The following KCNH5 variants were observed in gnomAD, a reference collection of about 807,000 sequenced individuals.
The protein encoded by KCNH5 is voltage-gated delayed rectifier potassium channel KCNH5.
A neutral mutation model predicts 96.1 loss-of-function variants in KCNH5; 46 were observed. The observed-to-expected ratio is 0.48, with a 90% confidence interval of 0.38 to 0.61. The LOEUF is 0.61. KCNH5 is among the 20% of genes least tolerant of loss of function. KCNH5 has a pLI of 0.00. For missense variants in KCNH5, 907 were observed against 1,225.8 expected, an observed-to-expected ratio of 0.74 and a Z score of 3.88; for synonymous variants, 439 against 449.8, an observed-to-expected ratio of 0.98 and a Z score of 0.30.
intron 9 of KCNH5, among the ~76,000 whole-genome samples, chr14:62,792,444 G>A (rs1246434275): frequency 6.6e-6 from 1 of 151,444 alleles, no homozygotes; most frequent in Non-Finnish European, 1.5e-5. Flanking sequence ...TAATAAACAT[G>A]CTGATTATCC....
chr14:62,764,116 A>G (rs934982305), intron 10 of KCNH5, among the ~76,000 whole-genome samples: 2 of 152,230 alleles, frequency 1.3e-5, no homozygotes, highest in South Asian at 2.1e-4. Flanking sequence ...CAGAGATGCA[A>G]TAATCCTCAA....
chr14:62,753,028 G>C (rs972589325), intron 10 of KCNH5, among the ~76,000 whole-genome samples: 2 of 152,168 alleles, frequency 1.3e-5, no homozygotes, highest in Non-Finnish European at 2.9e-5. Context: ...CAATCCCAGA[G>C]AGACAGAGAT....
At chr14:62,902,479 C>A (rs1344221425) in intron 7 of KCNH5, among the ~76,000 whole-genome samples, 1 of 152,034 alleles carries the variant, frequency 6.6e-6, no homozygotes, top group Non-Finnish European at 1.5e-5. Context: ...AGTAGTTTTT[C>A]TTTCTTTTAT....
At chr14:62,786,473 T>G (rs1250765213) in intron 9 of KCNH5, among the ~76,000 whole-genome samples, 1 of 152,138 alleles carries the variant, frequency 6.6e-6, no homozygotes, top group African/African-American at 2.4e-5. Flanking sequence ...CTATAGTGAA[T>G]CACTATAGTG....
intron 1 of KCNH5, among the ~76,000 whole-genome samples, chr14:63,021,771 T>C (rs1891431946): frequency 1.3e-5 from 2 of 152,096 alleles, no homozygotes; most frequent in African/African-American, 2.4e-5. Context: ...TCATAACAAT[T>C]CAGAAGCGTT....
At chr14:63,023,809 T>TAATA (rs140518388) in intron 1 of KCNH5, among the ~76,000 whole-genome samples, 7,256 of 152,226 alleles carry the variant, frequency 0.048, 197 homozygotes, top group East Asian at 0.062. Flanking sequence ...AGCTACAAAT[T>TAATA]AATAATATGA....
Position 62,983,163 on chromosome 14 carries a change from A to G in KCNH5, c.550-1899T>C, listed in dbSNP as rs148039611. Among the ~76,000 whole-genome samples the G allele has an allele frequency of 1.5e-3, 230 of 152,220 alleles. 8 individuals carry two copies. The highest frequency in any genetic ancestry group is 0.014 in the Admixed American group (211 of 15,270). On this transcript the variant is annotated intron_variant, in intron 5 of 10. Coordinates refer to ENST00000322893, the MANE Select transcript of KCNH5 (RefSeq NM_139318.5). ...GTGCATTACCACCTTCGTGGACCCT[A>G]AGCCTTTGTGCCTTCCTAGACTCCT... is the stretch of plus-strand genomic sequence containing the variant.
At chr14:62,821,212 AAG>A (rs1334274411) in intron 8 of KCNH5, among the ~76,000 whole-genome samples, 1 of 152,094 alleles carries the variant, frequency 6.6e-6, no homozygotes, top group Non-Finnish European at 1.5e-5. Context: ...GGAAAAAAAA[AAG>A]CTTTTCTTAA....
At chr14:62,962,279 G>A (rs991517) in intron 6 of KCNH5, among the ~76,000 whole-genome samples, 34,736 of 152,040 alleles carry the variant, frequency 0.23, 4,344 homozygotes, top group Non-Finnish European at 0.29. Flanking sequence ...TGCCACACGC[G>A]CCTGCCTGAT....
intron 10 of KCNH5, among the ~76,000 whole-genome samples, chr14:62,720,567 A>T (rs1203923281): frequency 6.6e-6 from 1 of 152,168 alleles, no homozygotes; most frequent in East Asian, 1.9e-4. Flanking sequence ...TGGGTGACAC[A>T]GCGAGACTCT....
chr14:62,776,985 T>C (rs530318460), intron 10 of KCNH5, among the ~76,000 whole-genome samples: 66 of 152,316 alleles, frequency 4.3e-4, no homozygotes, highest in Non-Finnish European at 9.0e-4. Context: ...CTCCCTTACT[T>C]AGTAGGAACA....
At chr14:62,711,900 A>G (rs1024794609) in intron 10 of KCNH5, among the ~76,000 whole-genome samples, 1 of 152,208 alleles carries the variant, frequency 6.6e-6, no homozygotes, top group African/African-American at 2.4e-5. Flanking sequence ...ACACATAAAG[A>G]GAGCCAGCAG....
intron 6 of KCNH5, among the ~76,000 whole-genome samples, chr14:62,973,169 C>T (rs931983538): frequency 2.0e-5 from 3 of 152,066 alleles, no homozygotes; most frequent in African/African-American, 4.8e-5. Context: ...AACCTAAAAG[C>T]GGTCTTAAAA....
chr14:62,853,144 T>C (rs1887841618), intron 7 of KCNH5, among the ~76,000 whole-genome samples: 1 of 152,144 alleles, frequency 6.6e-6, no homozygotes, highest in African/African-American at 2.4e-5. Flanking sequence ...ATCTCCTATA[T>C]CTGATCCATC....
intron 10 of KCNH5, among the ~76,000 whole-genome samples, chr14:62,726,113 T>C (rs1233625375): frequency 6.6e-6 from 1 of 152,198 alleles, no homozygotes; most frequent in Admixed American, 6.5e-5. Context: ...TAGATGTATC[T>C]TGACCTTTAC....
At chr14:62,867,554 A>T (rs767908598) in intron 7 of KCNH5, among the ~76,000 whole-genome samples, 2 of 152,206 alleles carry the variant, frequency 1.3e-5, no homozygotes, top group African/African-American at 2.4e-5. Flanking sequence ...CCTCTACAAT[A>T]GCCTCCTAAC....
At chr14:62,818,146 A>C (rs1167381775) in intron 8 of KCNH5, among the ~76,000 whole-genome samples, 1 of 150,230 alleles carries the variant, frequency 6.7e-6, no homozygotes, top group Non-Finnish European at 1.5e-5. Context: ...ATGTTTGTCA[A>C]AAGATACACA....
intron 9 of KCNH5, among the ~76,000 whole-genome samples, chr14:62,798,755 T>G (rs1886589408): frequency 5.3e-5 from 8 of 152,224 alleles, no homozygotes. Context: ...CTTCAGAACT[T>G]ATTCATTAAA....
At chr14:62,730,098 A>C (rs74058950) in intron 10 of KCNH5, among the ~76,000 whole-genome samples, 9,996 of 152,224 alleles carry the variant, frequency 0.066, 880 homozygotes, top group African/African-American at 0.2. Flanking sequence ...TTGTCATATA[A>C]ACTTTTTTAT....
Sources: gnomAD v4.1 joint callset for allele counts (sites outside exome capture counted in the v4.1 genomes callset) on GRCh38, gnomAD v4.1.1 for gene constraint, MANE v1.5 for transcripts, NCBI Gene and HGNC (gene_info 2026-07-23, HGNC 2026-07-21) for gene names.